ULK4: variants seen among roughly 807,000 people sequenced by gnomAD.
ULK4 encodes inactive serine/threonine-protein kinase ULK4.
In ULK4, 133 loss-of-function variants were observed where a neutral mutation model predicts 160.6. The observed-to-expected ratio is 0.83, with a 90% CI of 0.72 to 0.96. The LOEUF is 0.96. Among genes scored for constraint, ULK4 ranks in the 40% least tolerant of loss-of-function variants. ULK4 has a pLI of 0.00. For synonymous variants in ULK4, 534 were observed against 539.8 expected, an observed-to-expected ratio of 0.99 and a Z score of 0.15; for missense variants, 1,580 against 1,499.5, an observed-to-expected ratio of 1.05 and a Z score of -0.89.
At chr3:41,271,393 C>CT (rs35652378) in intron 35 of ULK4, among the ~76,000 whole-genome samples, 36,431 of 138,608 alleles carry the variant, frequency 0.26, 6,695 homozygotes, top group African/African-American at 0.53. Flanking sequence ...ATCAATAGTT[C>CT]TTTTTTTTTT....
intron 34 of ULK4, among the ~76,000 whole-genome samples, chr3:41,421,210 A>T (rs11129903): frequency 0.085 from 12,994 of 151,996 alleles, 1,046 homozygotes; most frequent in East Asian, 0.36. Context: ...GTAACAACAA[A>T]TTTTTTGTTG....
chr3:41,514,030 G>A (rs74922650), intron 32 of ULK4, among the ~76,000 whole-genome samples: 3,701 of 152,136 alleles, frequency 0.024, 140 homozygotes, highest in African/African-American at 0.08. Flanking sequence ...GGTTCCAACT[G>A]TTTGCTTCAA....
intron 32 of ULK4, among the ~76,000 whole-genome samples, chr3:41,523,629 T>C (rs1286159208): frequency 2.0e-5 from 3 of 152,216 alleles, no homozygotes; most frequent in African/African-American, 7.2e-5. Flanking sequence ...AGACAGATAA[T>C]AAGTTTAGGA....
chr3:41,374,370 T>C lies in ULK4; in HGVS notation c.3678+23709A>G, dbSNP rs190293982. On this transcript the variant is annotated intron_variant, in intron 35 of 36. Transcript: ENST00000301831. The stretch of plus-strand genomic sequence containing the variant: ...TTCAGGCCAATATCCCTGATGAACA[T>C]TGATGTGAAAATCCTCAACAAAATG... 2.9e-3 allele frequency among the ~76,000 whole-genome samples: 449 copies of C among 152,286 alleles called. 1 individual carries two copies. Among genetic ancestry groups the C allele is most frequent in the Middle Eastern group, 0.024 (7 of 294 alleles).
chr3:41,640,931 T>C (rs1438604982), intron 30 of ULK4, among the ~76,000 whole-genome samples: 2 of 152,218 alleles, frequency 1.3e-5, no homozygotes, highest in Non-Finnish European at 2.9e-5. Flanking sequence ...GCCATCTATT[T>C]CCCACGTCTT....
intron 32 of ULK4, among the ~76,000 whole-genome samples, chr3:41,492,342 C>G (rs1314988498): frequency 6.6e-6 from 1 of 152,062 alleles, no homozygotes; most frequent in Non-Finnish European, 1.5e-5. Flanking sequence ...GTTTACAGTC[C>G]CGCCAACAGT....
At chr3:41,603,515 A>G (rs1446391496) in intron 31 of ULK4, among the ~76,000 whole-genome samples, 1 of 152,146 alleles carries the variant, frequency 6.6e-6, no homozygotes, top group Non-Finnish European at 1.5e-5. Context: ...CTTTTATACT[A>G]TACCCCAATG....
intron 22 of ULK4, among the ~76,000 whole-genome samples, chr3:41,721,557 C>T (rs55835726): frequency 0.18 from 27,123 of 149,718 alleles, 2,553 homozygotes; most frequent in Middle Eastern, 0.32. Context: ...TAGTGGAGAC[C>T]GGGTTTCACC....
chr3:41,537,159 C>T (rs2086531698), intron 32 of ULK4, among the ~76,000 whole-genome samples: 1 of 151,172 alleles, frequency 6.6e-6, no homozygotes, highest in South Asian at 2.1e-4. Context: ...AATCTGTCCA[C>T]GATTCGTATC....
chr3:41,594,790 G>A (rs2031576036), intron 31 of ULK4, among the ~76,000 whole-genome samples: 1 of 152,196 alleles, frequency 6.6e-6, no homozygotes, highest in South Asian at 2.1e-4. Flanking sequence ...CAAACAGCAG[G>A]GGAGATGAAA....
Position 41,355,293 on chromosome 3 carries a change from T to C in ULK4, c.3678+42786A>G, listed in dbSNP as rs140306158. ...CTTTTGGTCCGCCCACATCTAAGACTGGACCTGGGAAAGAGATACAATCCT... is the reference window on the plus strand; with the variant it reads ...CTTTTGGTCCGCCCACATCTAAGACCGGACCTGGGAAAGAGATACAATCCT... On this transcript the variant is annotated intron_variant, in intron 35 of 36. Coordinates refer to ENST00000301831, the MANE Select transcript of ULK4 (RefSeq NM_017886.4). Among the ~76,000 whole-genome samples the C allele has an allele frequency of 6.2e-3, 941 of 152,300 alleles. 9 individuals are homozygous for C. The highest frequency in any genetic ancestry group is 0.022 in the African/African-American group (902 of 41,570).
intron 14 of ULK4, among the ~76,000 whole-genome samples, 157 bp from the exon 15 acceptor site, chr3:41,897,160 T>C (rs918069223): frequency 1.2e-4 from 18 of 152,242 alleles, no homozygotes; most frequent in African/African-American, 4.3e-4. Flanking sequence ...CTATTTTTAT[T>C]CGTCCTTCTA....
Position 41,246,781 on chromosome 3 carries a change from C to T in ULK4, c.*148G>A. 1 of 917,054 alleles carries T rather than the reference C, an allele frequency of 1.1e-6. No homozygotes were observed. The highest frequency in any genetic ancestry group is 2.7e-5 in the East Asian group (1 of 37,044). 56.8% of individuals were successfully genotyped at this position (917,054 alleles called of 1,614,324 possible). On this transcript the variant is annotated 3_prime_UTR_variant, in exon 37 of 37. Coordinates refer to ENST00000301831, the MANE Select transcript of ULK4 (RefSeq NM_017886.4). The stretch of plus-strand genomic sequence containing the variant: ...TTCTAGGCCCTGGGGTTAGTGAGCA[C>T]TTGGGCCACCAGGTTCTGGGTTAAG...
At chr3:41,439,617 T>G (rs2083117215) in intron 34 of ULK4, among the ~76,000 whole-genome samples, 1 of 152,222 alleles carries the variant, frequency 6.6e-6, no homozygotes, top group African/African-American at 2.4e-5. Flanking sequence ...TACCTCACTA[T>G]TTTGATTACA....
intron 27 of ULK4, among the ~76,000 whole-genome samples, chr3:41,684,883 G>A (rs2036048019): frequency 6.6e-6 from 1 of 152,198 alleles, no homozygotes. Context: ...AAAGAAGGAT[G>A]CATAAGAATG....
At chr3:41,714,356 G>C (rs2037194557) in intron 25 of ULK4, among the ~76,000 whole-genome samples, 1 of 152,060 alleles carries the variant, frequency 6.6e-6, no homozygotes, top group Non-Finnish European at 1.5e-5. Flanking sequence ...ATCCTCACTT[G>C]TTGTGGCAAT....
chr3:41,840,715 A>G (rs1037124600), intron 17 of ULK4, among the ~76,000 whole-genome samples: 5 of 152,194 alleles, frequency 3.3e-5, no homozygotes, highest in Admixed American at 1.3e-4. Context: ...GTGTGATCTC[A>G]GATCGCCACA....
intron 16 of ULK4, among the ~76,000 whole-genome samples, chr3:41,893,849 C>G (rs1056401192): frequency 6.6e-6 from 1 of 151,820 alleles, no homozygotes; most frequent in Non-Finnish European, 1.5e-5. Context: ...AATATATCTA[C>G]GTCAATAATA....
In ULK4 at chr3:41,644,409, T is replaced by C. The variant is rs1434832531; in HGVS notation, c.3071+19198A>G. On this transcript the variant is annotated intron_variant, in intron 30 of 36. Coordinates refer to ENST00000301831, the MANE Select transcript of ULK4 (RefSeq NM_017886.4). ...TGAGAGTTTTTAGCATGAAGGGTTGTTGAATTTTGTCAAAGGCCTTTTCTG... is the reference window on the plus strand; with the variant it reads ...TGAGAGTTTTTAGCATGAAGGGTTGCTGAATTTTGTCAAAGGCCTTTTCTG... Among the ~76,000 whole-genome samples, 34 of 152,112 alleles carry C rather than the reference T, an allele frequency of 2.2e-4. 2 individuals carry two copies. Among genetic ancestry groups the C allele is most frequent in the Admixed American group, 1.9e-3 (29 of 15,266 alleles).
Sources: allele counts gnomAD v4.1 joint callset (sites outside exome capture counted in the v4.1 genomes callset), GRCh38; gene constraint gnomAD v4.1.1; transcripts MANE v1.5; gene names NCBI Gene and HGNC (gene_info 2026-07-23, HGNC 2026-07-21).